The following MSH6 variants were observed in gnomAD, a reference collection of about 807,000 sequenced individuals.
MSH6 encodes the protein mutS homolog 6.
Under a neutral mutation model 119.1 loss-of-function variants are expected in MSH6, and 85 were observed. The observed-to-expected ratio is 0.71, with a 90% CI of 0.60 to 0.85. The LOEUF is 0.85. Ranked by LOEUF, MSH6 falls within the 40% of genes least tolerant of loss-of-function variation. The pLI is 0.00. For missense variants in MSH6, 2,163 were observed against 1,655.3 expected (o/e 1.31, Z -5.32); for synonymous variants, 830 against 586.9 (o/e 1.41, Z -5.99).
At position 47,803,492 on chromosome 2, in the gene MSH6, C is replaced by T. The variant is rs191109849; in HGVS notation, c.3245C>T (p.Pro1082Leu). ...ATGTGTCGCCCAGTAATTCTGTTGC[C>T]GGAAGATACCCCCCCCTTCTTAGAG... ...GPMCRPVILLPEDTPPFLELK... is the reference protein window; with the variant it reads ...GPMCRPVILLLEDTPPFLELK... The change falls in exon 5 of 10, where the codon CCG (proline) becomes CTG (leucine). Residue 1082 changes from proline to leucine, a missense_variant. Pro to Leu is a moderately conservative substitution (Grantham distance 98). Coordinates refer to ENST00000234420, the MANE Select transcript of MSH6 (RefSeq NM_000179.3). 296 of 1,614,042 alleles carry T rather than the reference C, an allele frequency of 1.8e-4. 2 individuals carry two copies. The Admixed American group carries it at 1.9e-3, about 10-fold the overall frequency.
chr2:47,806,874 G>A lies in MSH6; in HGVS notation c.*14G>A, dbSNP rs1407543591. The A allele has an allele frequency of 1.3e-6, 2 of 1,588,136 alleles. No individual in the cohort carries two copies. Among genetic ancestry groups the A allele is most frequent in the Non-Finnish European group, 1.7e-6 (2 of 1,157,018 alleles). ...AAGGAATTATAGACTGACTACATTGGAAGCTTTGAGTTGACTTCTGACAAA... is the reference window on the plus strand; with the variant it reads ...AAGGAATTATAGACTGACTACATTGAAAGCTTTGAGTTGACTTCTGACAAA... On this transcript the variant is annotated 3_prime_UTR_variant, in exon 10 of 10. Transcript: ENST00000234420.
rs779035516 is a variant in MSH6 at position 47,799,819 on chromosome 2, A to C, written c.1836A>C (p.Ser612=). 6.2e-7 allele frequency: 1 copy of C among 1,614,206 alleles called. No individual in the cohort carries two copies. Among genetic ancestry groups the C allele is most frequent in the South Asian group, 1.1e-5 (1 of 91,086 alleles). The change falls in exon 4 of 10, where the codon TCA becomes TCC. Residue 612 remains serine, a synonymous_variant. Coordinates refer to ENST00000234420, the MANE Select transcript of MSH6 (RefSeq NM_000179.3). ...AAACTAAAACAATTCTAAAGAGTTC[A>C]TTGTCCTGTTCTCTTCAGGAAGGTC... ...SKETKTILKS[S]LSCSLQEGLI... is the part of the protein sequence containing the mutation.
chr2:47,803,017 T>C (rs1276509507), intron 4 of MSH6, among the ~76,000 whole-genome samples: 1 of 152,182 alleles, frequency 6.6e-6, no homozygotes, highest in Non-Finnish European at 1.5e-5. Context: ...GTTCAAGTGA[T>C]TCTCCTGCCT....
intron 1 of MSH6, among the ~76,000 whole-genome samples, chr2:47,785,480 A>C (rs1369625640): frequency 6.6e-6 from 1 of 151,958 alleles, no homozygotes; most frequent in Non-Finnish European, 1.5e-5. Flanking sequence ...AGCCTCCCAA[A>C]GTGCTGGGAT....
chr2:47,803,400 T>G lies in MSH6; in HGVS notation c.3173-20T>G. 6.2e-7 allele frequency: 1 copy of G among 1,614,118 alleles called. No individual in the cohort carries two copies. The highest frequency in any genetic ancestry group is 1.1e-5 in the South Asian group (1 of 91,080). On this transcript the variant is annotated intron_variant, in intron 4 of 9. Transcript: ENST00000234420. ...AACCCCCAAACGATGAAGCCTCACT[T>G]TTACCCTCTCTTTTAACAGATGTTT...
chr2:47,805,322 G>GGC (rs927784593), intron 6 of MSH6, among the ~76,000 whole-genome samples: 2 of 152,024 alleles, frequency 1.3e-5, no homozygotes, highest in African/African-American at 4.8e-5. Flanking sequence ...TGGGATTACA[G>GGC]GCGCATGCCA....
chr2:47,783,637 A>G (rs1331364226), intron 1 of MSH6, 144 bp downstream of exon 1: 1 of 824,476 alleles, frequency 1.2e-6, no homozygotes, highest in Non-Finnish European at 1.8e-6. Context: ...AGTTGGCTTG[A>G]ATGAGTGCAG....
intron 3 of MSH6, among the ~76,000 whole-genome samples, chr2:47,797,670 A>G (rs573365745): frequency 6.6e-6 from 1 of 152,294 alleles, no homozygotes; most frequent in Admixed American, 6.5e-5. Context: ...GGGTCTCACC[A>G]TGTTGCCGAG....
At chr2:47,796,831 C>T (rs1196365946) in intron 3 of MSH6, among the ~76,000 whole-genome samples, 1 of 152,064 alleles carries the variant, frequency 6.6e-6, no homozygotes, top group Non-Finnish European at 1.5e-5. Context: ...CGTGGTGGCA[C>T]ACACCTGTAG....
In MSH6 at chr2:47,798,591, ACT is replaced by A. The variant is rs765266356; in HGVS notation, c.628-17_628-16del. The A allele has an allele frequency of 9.3e-6, 15 of 1,605,446 alleles. No individual in the cohort carries two copies. In the South Asian group the frequency reaches 1.7e-4, roughly 18 times the overall value. Reference sequence around the variant, plus strand: ...TCCAAATTTTGATTTGTTTTTAAATACTCTTTCCTTGCCTGGCAGGTAGGCAC... The same window carrying A: ...TCCAAATTTTGATTTGTTTTTAAATACTTTCCTTGCCTGGCAGGTAGGCAC... On this transcript the variant is annotated intron_variant, in intron 3 of 9. Coordinates refer to ENST00000234420, the MANE Select transcript of MSH6 (RefSeq NM_000179.3).
intron 1 of MSH6, chr2:47,789,474 T>C (rs771056993): frequency 4.4e-6 from 2 of 455,954 alleles, no homozygotes; most frequent in East Asian, 6.5e-5. Context: ...TTTTTTTAAT[T>C]GCTTGCTTAG....
intron 4 of MSH6, among the ~76,000 whole-genome samples, chr2:47,802,633 CTGTT>C (rs1350875414): frequency 7.0e-6 from 1 of 143,834 alleles, no homozygotes; most frequent in Non-Finnish European, 1.5e-5. Flanking sequence ...GCGCCCAGCC[CTGTT>C]TTTTTTTTTT....
chr2:47,806,297 C>G lies in MSH6; in HGVS notation c.3740C>G (p.Thr1247Ser), dbSNP rs786204182. 5.1e-5 allele frequency: 83 copies of G among 1,613,938 alleles called. No individual in the cohort carries two copies. Among genetic ancestry groups the G allele is most frequent in the Non-Finnish European group, 7.0e-5 (83 of 1,179,962 alleles). Residue 1247 changes from threonine to serine, a missense_variant, in exon 8 of 10, where the codon ACT becomes AGT. Coordinates refer to ENST00000234420, the MANE Select transcript of MSH6 (RefSeq NM_000179.3). ...ATAAAATGTCGTACATTATTTTCAA[C>G]TCACTACCATTCATTAGTAGAAGAT... ...ETIKCRTLFS[T>S]HYHSLVEDYS...
At position 47,800,154 on chromosome 2, in the gene MSH6, C is replaced by G. The variant is rs587779922; in HGVS notation, c.2171C>G (p.Ala724Gly). ...SDTVSTTRSG[A>G]IFTKAYQRMV... is the part of the protein sequence containing the mutation. ...ACAGTCAGCACTACAAGATCTGGTGCTATCTTCACCAAAGCCTATCAACGA... is the reference window on the plus strand; with the variant it reads ...ACAGTCAGCACTACAAGATCTGGTGGTATCTTCACCAAAGCCTATCAACGA... Residue 724 changes from alanine (A) to glycine (G), a missense_variant, in exon 4 of 10, where the codon GCT becomes GGT. Ala to Gly is a moderately conservative substitution (Grantham distance 60). Transcript: ENST00000234420. 1.2e-6 allele frequency: 2 copies of G among 1,614,166 alleles called. No homozygotes were observed. Among genetic ancestry groups the G allele is most frequent in the Non-Finnish European group, 8.5e-7 (1 of 1,180,018 alleles).
chr2:47,809,546 T>A, downstream of MSH6: 1 of 1,302,984 alleles, frequency 7.7e-7, no homozygotes, highest in Non-Finnish European at 1.1e-6. Context: ...CGGCTTCTGA[T>A]TATCTTTCAT....
chr2:47,805,179 CTCTCTTT>C, intron 6 of MSH6, 152 bp downstream of exon 6: 3 of 631,484 alleles, frequency 4.8e-6, no homozygotes, highest in Middle Eastern at 3.9e-4. Context: ...CATAGTCTCT[CTCTCTTT>C]TTTTTTTTTT....
Position 47,791,107 on chromosome 2 carries a change from T to G in MSH6, c.441T>G (p.Leu147=). The G allele has an allele frequency of 1.2e-6, 2 of 1,614,180 alleles. No individual in the cohort carries two copies. Among genetic ancestry groups the G allele is most frequent in the Non-Finnish European group, 8.5e-7 (1 of 1,180,014 alleles). ...CAAGGGGCTGGGTTAGCAAAAGGCT[T>G]TTAAAGCCATATACAGGTAAGAGTC... ...SPTRGWVSKR[L]LKPYTGSKSK... The change falls in exon 2 of 10, where the codon CTT becomes CTG. Residue 147 remains leucine, a synonymous_variant. Coordinates refer to ENST00000234420, the MANE Select transcript of MSH6 (RefSeq NM_000179.3).
At chr2:47,805,169 C>T (rs1669899497) in intron 6 of MSH6, 142 bp downstream of exon 6, 2 of 663,248 alleles carry the variant, frequency 3.0e-6, no homozygotes, top group Non-Finnish European at 5.3e-6. Context: ...TTAAGAACTG[C>T]ATAGTCTCTC....
chr2:47,803,222 CTCTA>C (rs972097096), intron 4 of MSH6, among the ~76,000 whole-genome samples, 194 bp from the exon 5 acceptor site: 47 of 152,224 alleles, frequency 3.1e-4, no homozygotes, highest in African/African-American at 6.0e-4. Context: ...CTGGCCTCTG[CTCTA>C]TCTTTTAGCT....
Sources: gnomAD v4.1 joint callset for allele counts (sites outside exome capture counted in the v4.1 genomes callset) on GRCh38, gnomAD v4.1.1 for gene constraint, MANE v1.5 for transcripts, NCBI Gene and HGNC (gene_info 2026-07-23, HGNC 2026-07-21) for gene names.